The following CSMD1 variants were observed in gnomAD, a reference collection of about 807,000 sequenced individuals.
The protein encoded by CSMD1 is CUB and Sushi multiple domains 1.
In CSMD1, 213 loss-of-function variants were observed where a neutral mutation model predicts 417.5. The ratio of observed to expected loss-of-function variants is 0.51; its 90% CI spans 0.46 to 0.57. The LOEUF (loss-of-function observed/expected upper bound fraction) is 0.57, where lower values mean the gene tolerates loss of function less well. Among genes scored for constraint, CSMD1 ranks in the 20% least tolerant of loss-of-function variants. The pLI is 0.00. For synonymous variants in CSMD1, 2,862 were observed against 1,736.8 expected (o/e 1.65, Z -16.11); for missense variants, 6,923 against 4,529.7 (o/e 1.53, Z -15.17).
At chr8:3,431,466 T>C (rs770310482) in intron 12 of CSMD1, among the ~76,000 whole-genome samples, 2 of 152,190 alleles carry the variant, frequency 1.3e-5, no homozygotes, top group Non-Finnish European at 2.9e-5. Flanking sequence ...TAAAAGGCTA[T>C]TTAACTGGTA....
intron 2 of CSMD1, among the ~76,000 whole-genome samples, chr8:4,467,381 T>C (rs896942639): frequency 3.3e-5 from 5 of 152,106 alleles, no homozygotes; most frequent in African/African-American, 9.7e-5. Context: ...AATGTCCTCA[T>C]TCCCTGCTCA....
intron 23 of CSMD1, among the ~76,000 whole-genome samples, chr8:3,319,539 A>G (rs899707204): frequency 1.3e-5 from 2 of 152,200 alleles, no homozygotes; most frequent in African/African-American, 2.4e-5. Context: ...AATGTATCTA[A>G]ATTATATTGA....
intron 17 of CSMD1, among the ~76,000 whole-genome samples, chr8:3,392,281 G>C (rs1315165614): frequency 6.6e-6 from 1 of 151,866 alleles, no homozygotes; most frequent in Non-Finnish European, 1.5e-5. Context: ...ATAAAAATTG[G>C]ATGACATTTT....
intron 3 of CSMD1, among the ~76,000 whole-genome samples, chr8:4,061,765 A>G (rs1437980828): frequency 6.6e-6 from 1 of 152,204 alleles, no homozygotes. Context: ...CTGCATGTTC[A>G]GTACCTAAAA....
chr8:3,624,533 T>A (rs976610944), intron 7 of CSMD1, among the ~76,000 whole-genome samples: 4 of 152,230 alleles, frequency 2.6e-5, no homozygotes, highest in African/African-American at 9.6e-5. Flanking sequence ...GATGTACAGA[T>A]GTATTTCAGT....
intron 3 of CSMD1, among the ~76,000 whole-genome samples, chr8:4,390,036 T>C (rs2128923246): frequency 6.6e-6 from 1 of 152,354 alleles, no homozygotes; most frequent in Non-Finnish European, 1.5e-5. Flanking sequence ...CACAAATTGC[T>C]ATACTAATTT....
chr8:4,906,349 C>G (rs1005217900), intron 1 of CSMD1, among the ~76,000 whole-genome samples: 1 of 152,166 alleles, frequency 6.6e-6, no homozygotes, highest in Non-Finnish European at 1.5e-5. Flanking sequence ...AAAACACATT[C>G]TTGCATACAA....
intron 5 of CSMD1, among the ~76,000 whole-genome samples, chr8:3,894,331 T>C (rs1807203017): frequency 6.6e-6 from 1 of 152,194 alleles, no homozygotes; most frequent in African/African-American, 2.4e-5. Flanking sequence ...AGCTTTGCTC[T>C]GGATTTTTTC....
chr8:4,820,193 C>A (rs1799441154), intron 1 of CSMD1, among the ~76,000 whole-genome samples: 1 of 152,160 alleles, frequency 6.6e-6, no homozygotes. Flanking sequence ...GCAGCATCCT[C>A]TCTTGGCCTG....
chr8:3,406,931 A>G (rs754728764), intron 14 of CSMD1, among the ~76,000 whole-genome samples: 2 of 152,210 alleles, frequency 1.3e-5, no homozygotes, highest in African/African-American at 2.4e-5. Flanking sequence ...TCCTGACATC[A>G]TATTACACAG....
chr8:4,402,462 T>C (rs553584009), intron 3 of CSMD1, among the ~76,000 whole-genome samples: 1 of 152,270 alleles, frequency 6.6e-6, no homozygotes, highest in Admixed American at 6.5e-5. Context: ...GAGCTAAGCT[T>C]CCTGGTCTCT....
rs964468365 is a variant in CSMD1, at chr8:3,033,652, G to A, written c.7661-4139C>T. Among the ~76,000 whole-genome samples, 14 of 150,154 alleles carry A rather than the reference G, an allele frequency of 9.3e-5. 1 individual carries two copies. Among genetic ancestry groups the A allele is most frequent in the Non-Finnish European group, 1.8e-4 (12 of 66,902 alleles). On this transcript the variant is annotated intron_variant, in intron 50 of 69. Coordinates refer to ENST00000635120, the MANE Select transcript of CSMD1 (RefSeq NM_033225.6). ...ATTAGGACAAATACTTAAACCACGC[G>A]GGATTTAAAACCTAGATGACAGGTT...
intron 10 of CSMD1, among the ~76,000 whole-genome samples, chr8:3,543,246 T>G (rs1798519044): frequency 6.6e-6 from 1 of 152,196 alleles, no homozygotes; most frequent in African/African-American, 2.4e-5. Context: ...GGATGTGACG[T>G]AGAGCAGAGG....
chr8:4,952,685 A>G (rs7836834), intron 1 of CSMD1, among the ~76,000 whole-genome samples: 134,261 of 151,740 alleles, frequency 0.88, 59,516 homozygotes, highest in Admixed American at 0.91. Flanking sequence ...GAAGCAAAAC[A>G]TGGAATACAT....
At chr8:3,780,058 T>C (rs996394774) in intron 5 of CSMD1, among the ~76,000 whole-genome samples, 1 of 152,214 alleles carries the variant, frequency 6.6e-6, no homozygotes, top group East Asian at 1.9e-4. Flanking sequence ...GTGAGAAACA[T>C]TCTTTAAAAT....
intron 1 of CSMD1, among the ~76,000 whole-genome samples, chr8:4,967,631 G>T (rs1214654126): frequency 2.6e-5 from 4 of 152,110 alleles, no homozygotes; most frequent in African/African-American, 9.7e-5. Flanking sequence ...TCTATGTTCA[G>T]TTCTTAAATG....
At chr8:4,415,730 A>C (rs1281201337) in intron 3 of CSMD1, among the ~76,000 whole-genome samples, 1 of 152,236 alleles carries the variant, frequency 6.6e-6, no homozygotes, top group Non-Finnish European at 1.5e-5. Flanking sequence ...TGAATGAGCA[A>C]ATCTGTGTAT....
intron 7 of CSMD1, among the ~76,000 whole-genome samples, chr8:3,640,159 A>G (rs1797237031): frequency 6.6e-6 from 1 of 152,198 alleles, no homozygotes; most frequent in South Asian, 2.1e-4. Flanking sequence ...TCGCTCTGAG[A>G]AAACTTAATG....
Position 3,659,352 on chromosome 8 carries a change from A to T in CSMD1, c.1010-42555T>A, listed in dbSNP as rs7822812. ...ACAAATTTTCATTTTGCACTTGCCA[A>T]TCTAGTTTACTACCCACTGATGAAA... On this transcript the variant is annotated intron_variant, in intron 7 of 69. Coordinates refer to ENST00000635120, the MANE Select transcript of CSMD1 (RefSeq NM_033225.6). Among the ~76,000 whole-genome samples the T allele has an allele frequency of 2.0e-5, 3 of 152,328 alleles. No individual in the cohort carries two copies. In the East Asian group the frequency reaches 5.8e-4, roughly 29 times the overall value.
Sources: gnomAD v4.1 joint callset for allele counts (sites outside exome capture counted in the v4.1 genomes callset) on GRCh38, gnomAD v4.1.1 for gene constraint, MANE v1.5 for transcripts, NCBI Gene and HGNC (gene_info 2026-07-23, HGNC 2026-07-21) for gene names.